VPS13B: variants seen among roughly 807,000 people sequenced by gnomAD.
VPS13B encodes the protein vacuolar protein sorting 13 homolog B, also known as intermembrane lipid transfer protein VPS13B.
In VPS13B, 285 loss-of-function variants were observed where a neutral mutation model predicts 426.4. The ratio of observed to expected loss-of-function variants is 0.67; its 90% CI spans 0.61 to 0.74. VPS13B has a LOEUF of 0.74. Among genes scored for constraint, VPS13B ranks in the 30% least tolerant of loss-of-function variants. VPS13B has a pLI of 0.00. For synonymous variants in VPS13B, 1,676 were observed against 1,676.4 expected (o/e 1.00, Z 0.01); for missense variants, 4,537 against 4,782.6 (o/e 0.95, Z 1.51).
chr8:99,581,450 A>G (rs1174560304), intron 33 of VPS13B, among the ~76,000 whole-genome samples: 1 of 152,158 alleles, frequency 6.6e-6, no homozygotes, highest in Non-Finnish European at 1.5e-5. Flanking sequence ...ATTTTCCAAT[A>G]TTTTTGCTCT....
chr8:99,760,212 T>A (rs989244895), intron 39 of VPS13B, among the ~76,000 whole-genome samples: 16 of 152,174 alleles, frequency 1.1e-4, no homozygotes, highest in Non-Finnish European at 2.1e-4. Flanking sequence ...CTCGAACTTG[T>A]GACCCTGTGA....
At chr8:99,384,618 C>T (rs1814015388) in intron 20 of VPS13B, among the ~76,000 whole-genome samples, 3 of 152,162 alleles carry the variant, frequency 2.0e-5, no homozygotes, top group African/African-American at 4.8e-5. Flanking sequence ...TGTCCATTCT[C>T]ATGGTGTGCA....
At chr8:99,790,810 CAT>C (rs1163767769) in intron 43 of VPS13B, among the ~76,000 whole-genome samples, 1 of 152,134 alleles carries the variant, frequency 6.6e-6, no homozygotes, top group Non-Finnish European at 1.5e-5. Flanking sequence ...AGAGGACCAA[CAT>C]GTGTGAAAGC....
intron 54 of VPS13B, among the ~76,000 whole-genome samples, chr8:99,838,129 T>C (rs1815488403): frequency 6.6e-6 from 1 of 152,200 alleles, no homozygotes; most frequent in African/African-American, 2.4e-5. Context: ...AGAATACCGA[T>C]TGTGAAGTTG....
In VPS13B at chr8:99,096,340, C is replaced by T. The variant is rs1846416112; in HGVS notation, c.320C>T (p.Ser107Phe). Residue 107 changes from serine to phenylalanine, a missense_variant, in exon 4 of 62, where the codon TCT (serine) becomes TTT (phenylalanine). By Grantham distance (155) the Ser-to-Phe change is radical (BLOSUM62 -2). Transcript: ENST00000357162. ...QDDHESCGSN[S>F]TNRSTAESTK... ...GACCATGAAAGCTGTGGTTCTAATT[C>T]TACCAACCGTAGTACTGCTGAGAGC... The T allele has an allele frequency of 6.2e-7, 1 of 1,614,028 alleles. No homozygotes were observed. Among genetic ancestry groups the T allele is most frequent in the African/African-American group, 1.3e-5 (1 of 75,018 alleles).
At chr8:99,379,663 C>A (rs1304267292) in intron 19 of VPS13B, among the ~76,000 whole-genome samples, 1 of 152,098 alleles carries the variant, frequency 6.6e-6, no homozygotes, top group East Asian at 1.9e-4. Context: ...GAATTTATAT[C>A]ATTCCATTTA....
At chr8:99,608,719 C>T (rs1324782127) in intron 33 of VPS13B, among the ~76,000 whole-genome samples, 1 of 152,102 alleles carries the variant, frequency 6.6e-6, no homozygotes, top group African/African-American at 2.4e-5. Flanking sequence ...TTTGCCTATT[C>T]TGGGCATTTG....
chr8:99,759,879 C>T (rs558512845), intron 39 of VPS13B, among the ~76,000 whole-genome samples: 6 of 152,190 alleles, frequency 3.9e-5, no homozygotes, highest in Non-Finnish European at 7.3e-5. Flanking sequence ...ACCAACCATA[C>T]TCTCAGCTAT....
In VPS13B at chr8:99,520,907, G is replaced by A. The variant is rs751173073; in HGVS notation, c.4642G>A (p.Ala1548Thr). ...EMQPTVEANQAAKEDTVVLKI... is the reference protein window; with the variant it reads ...EMQPTVEANQTAKEDTVVLKI... ...TCCTTCTTTTGTTACAGCTAATCAGGCAGCAAAAGAAGACACTGTGGTTTT... is the reference window on the plus strand; with the variant it reads ...TCCTTCTTTTGTTACAGCTAATCAGACAGCAAAAGAAGACACTGTGGTTTT... The change falls in exon 30 of 62, where the codon GCA becomes ACA. Residue 1548 changes from alanine (A) to threonine (T), a missense_variant. By Grantham distance (58) the Ala-to-Thr change is moderately conservative. Around this residue, in one of 2 missense-constraint regions of VPS13B, gnomAD observed 4,311 missense variants for 4,474.3 expected, o/e 0.96. Transcript: ENST00000357162. 3 of 1,613,598 alleles carry A rather than the reference G, an allele frequency of 1.9e-6. No homozygotes were observed. The highest frequency in any genetic ancestry group is 1.7e-5 in the Admixed American group (1 of 60,012).
intron 33 of VPS13B, among the ~76,000 whole-genome samples, chr8:99,625,590 C>T (rs1828576691): frequency 1.3e-5 from 2 of 151,986 alleles, no homozygotes; most frequent in African/African-American, 4.8e-5. Flanking sequence ...CACAATGGCT[C>T]ACACCTGTAA....
intron 23 of VPS13B, 44 bp downstream of exon 23, chr8:99,442,679 A>T (rs1817733537): frequency 6.4e-7 from 1 of 1,561,472 alleles, no homozygotes; most frequent in African/African-American, 1.4e-5. Context: ...TTTTATATGG[A>T]CATTTTTAGA....
At chr8:99,025,495 A>G (rs754800106) in intron 2 of VPS13B, among the ~76,000 whole-genome samples, 5 of 152,114 alleles carry the variant, frequency 3.3e-5, no homozygotes, top group Non-Finnish European at 7.4e-5. Flanking sequence ...TTTTGCATCT[A>G]TGTTCATCAG....
At chr8:99,152,477 T>A (rs1158276901) in intron 14 of VPS13B, among the ~76,000 whole-genome samples, 1 of 152,212 alleles carries the variant, frequency 6.6e-6, no homozygotes, top group Non-Finnish European at 1.5e-5. Flanking sequence ...CTGTTGTTGC[T>A]GTATGAAGCA....
intron 2 of VPS13B, among the ~76,000 whole-genome samples, chr8:99,036,000 G>T (rs907019993): frequency 6.6e-6 from 1 of 151,898 alleles, no homozygotes; most frequent in African/African-American, 2.4e-5. Context: ...TAGAATTATT[G>T]TTATTTTGTT....
intron 15 of VPS13B, among the ~76,000 whole-genome samples, chr8:99,164,341 G>A (rs1472873335): frequency 6.6e-6 from 1 of 152,162 alleles, no homozygotes; most frequent in Non-Finnish European, 1.5e-5. Context: ...TATTTGAAAG[G>A]CATTGTCTGA....
chr8:99,723,848 G>T (rs1588657224), intron 39 of VPS13B, among the ~76,000 whole-genome samples: 1 of 152,314 alleles, frequency 6.6e-6, no homozygotes, highest in Middle Eastern at 3.4e-3. Flanking sequence ...GCAAGACAGG[G>T]TTGTAACTAC....
chr8:99,786,582 CTG>C (rs957312453), intron 43 of VPS13B, among the ~76,000 whole-genome samples: 6 of 152,108 alleles, frequency 3.9e-5, no homozygotes, highest in African/African-American at 1.4e-4. Context: ...AAAGTCTTAA[CTG>C]TGTTACCAAA....
chr8:99,593,334 A>G (rs906747088), intron 33 of VPS13B, among the ~76,000 whole-genome samples: 3 of 152,192 alleles, frequency 2.0e-5, no homozygotes, highest in African/African-American at 7.2e-5. Context: ...ATCATTAGAG[A>G]AAGGCAAATC....
At chr8:99,510,971 T>A (rs1009459688) in intron 28 of VPS13B, 133 bp from the exon 29 acceptor site, 127 of 938,668 alleles carry the variant, frequency 1.4e-4, no homozygotes, top group Middle Eastern at 2.8e-4. Context: ...AATTGATCAG[T>A]CATGTGTTTA....
Sources: gnomAD v4.1 joint callset for allele counts (sites outside exome capture counted in the v4.1 genomes callset) on GRCh38, gnomAD v4.1.1 for gene constraint, gnomAD v4.1.1 regional missense constraint, MANE v1.5 for transcripts, NCBI Gene and HGNC (gene_info 2026-07-23, HGNC 2026-07-21) for gene names.